Variants in ATP8A2 observed in about 807,000 individuals in gnomAD.
ATP8A2 encodes the protein phospholipid-transporting ATPase IB.
A neutral mutation model predicts 165.6 loss-of-function variants in ATP8A2; 100 were observed. The ratio of observed to expected loss-of-function variants is 0.60; its 90% confidence interval spans 0.51 to 0.71. ATP8A2 has a LOEUF of 0.71. Ranked by LOEUF, ATP8A2 falls within the 30% of genes least tolerant of loss-of-function variation. The probability of loss-of-function intolerance (pLI) is 0.00; values close to 1 mark genes in which losing one functional copy is unlikely to be tolerated. For synonymous variants in ATP8A2, 543 were observed against 548.8 expected (o/e 0.99, Z 0.15); for missense variants, 1,227 against 1,479.5 (o/e 0.83, Z 2.80).
chr13:25,545,240 G>A (rs1566247920), intron 10 of ATP8A2, among the ~76,000 whole-genome samples: 2 of 152,140 alleles, frequency 1.3e-5, no homozygotes, highest in Non-Finnish European at 2.9e-5. Flanking sequence ...GTTGGTGAAT[G>A]CTGAGAGGCA....
chr13:25,907,180 C>T (rs1230848264), intron 33 of ATP8A2, among the ~76,000 whole-genome samples: 1 of 152,054 alleles, frequency 6.6e-6, no homozygotes, highest in African/African-American at 2.4e-5. Flanking sequence ...CGGTGAGTAA[C>T]CACTGTGCTA....
At chr13:25,661,807 T>G (rs1220123404) in intron 24 of ATP8A2, among the ~76,000 whole-genome samples, 1 of 152,138 alleles carries the variant, frequency 6.6e-6, no homozygotes, top group African/African-American at 2.4e-5. Flanking sequence ...TATATAAAGA[T>G]TTTTCAAAAA....
At chr13:25,980,777 A>G (rs1437168553) in intron 35 of ATP8A2, among the ~76,000 whole-genome samples, 2 of 152,198 alleles carry the variant, frequency 1.3e-5, no homozygotes, top group Non-Finnish European at 2.9e-5. Flanking sequence ...AGGCTGAGGC[A>G]GGAGGATCAC....
chr13:25,659,973 T>A (rs1168162155), intron 24 of ATP8A2, among the ~76,000 whole-genome samples: 1 of 152,238 alleles, frequency 6.6e-6, no homozygotes, highest in East Asian at 1.9e-4. Flanking sequence ...TTTTCCCTTT[T>A]ATTTTTAATG....
intron 30 of ATP8A2, among the ~76,000 whole-genome samples, chr13:25,859,563 G>GA (rs71665615): frequency 1.0e-3 from 130 of 130,120 alleles, no homozygotes; most frequent in South Asian, 4.3e-3. Context: ...TCCTTGAAAA[G>GA]AAAAAAAAAA....
At chr13:26,013,828 G>A (rs2139363230) in intron 36 of ATP8A2, among the ~76,000 whole-genome samples, 1 of 152,268 alleles carries the variant, frequency 6.6e-6, no homozygotes, top group African/African-American at 2.4e-5. Context: ...GAAGGAGGGA[G>A]ACAGAGTATC....
At chr13:25,823,551 C>G (rs1269513957) in intron 27 of ATP8A2, among the ~76,000 whole-genome samples, 1 of 152,108 alleles carries the variant, frequency 6.6e-6, no homozygotes, top group Non-Finnish European at 1.5e-5. Flanking sequence ...CTTTATTTCC[C>G]TAAGGACTTG....
chr13:25,387,307 C>T (rs1310299133), intron 1 of ATP8A2, among the ~76,000 whole-genome samples: 1 of 152,168 alleles, frequency 6.6e-6, no homozygotes, highest in Admixed American at 6.5e-5. Context: ...AGACCTGAAA[C>T]TTTTCTTTCT....
chr13:25,545,899 T>C (rs1487081032), intron 10 of ATP8A2, among the ~76,000 whole-genome samples: 1 of 152,232 alleles, frequency 6.6e-6, no homozygotes, highest in Non-Finnish European at 1.5e-5. Flanking sequence ...CTTCCCAAAG[T>C]GTTGGGATTA....
At chr13:25,922,808 A>G (rs754697917) in intron 33 of ATP8A2, among the ~76,000 whole-genome samples, 1 of 152,204 alleles carries the variant, frequency 6.6e-6, no homozygotes, top group African/African-American at 2.4e-5. Context: ...ATCTGTTTGC[A>G]TCTCAGGCAA....
intron 1 of ATP8A2, among the ~76,000 whole-genome samples, chr13:25,423,847 C>G (rs957471092): frequency 2.0e-5 from 3 of 152,180 alleles, no homozygotes; most frequent in Non-Finnish European, 2.9e-5. Flanking sequence ...GGCTAAATGT[C>G]TCCCTTTAAG....
chr13:25,513,802 C>G lies in ATP8A2; in HGVS notation c.222-16197C>G, dbSNP rs544258233. Among the ~76,000 whole-genome samples the G allele has an allele frequency of 6.6e-3, 1,002 of 152,342 alleles. 7 individuals carry two copies. The highest frequency in any genetic ancestry group is 9.7e-3 in the Non-Finnish European group (659 of 68,042). On this transcript the variant is annotated intron_variant, in intron 2 of 36. Transcript: ENST00000381655. ...AAACCCCGTCTCCACCAAAAAAATA[C>G]AAAAACCAGTCAGGCGTGGCGGCGC...
chr13:25,515,079 AC>A (rs1042831776), intron 2 of ATP8A2, among the ~76,000 whole-genome samples: 11 of 152,208 alleles, frequency 7.2e-5, no homozygotes, highest in African/African-American at 2.7e-4. Context: ...TGAAGCCCTG[AC>A]CAGAACAACC....
At chr13:25,808,628 A>C (rs1472492367) in intron 27 of ATP8A2, among the ~76,000 whole-genome samples, 1 of 150,890 alleles carries the variant, frequency 6.6e-6, no homozygotes, top group Non-Finnish European at 1.5e-5. Flanking sequence ...TTTTTTGTAG[A>C]GTTGTCTCAC....
At chr13:25,901,048 G>T (rs975026130) in intron 33 of ATP8A2, among the ~76,000 whole-genome samples, 3 of 152,222 alleles carry the variant, frequency 2.0e-5, no homozygotes, top group Admixed American at 2.0e-4. Flanking sequence ...GGTGGGCTGG[G>T]GGATGACTGC....
chr13:25,965,853 A>G (rs899687076), intron 34 of ATP8A2, among the ~76,000 whole-genome samples: 14 of 152,318 alleles, frequency 9.2e-5, no homozygotes, highest in African/African-American at 3.4e-4. Flanking sequence ...AATGGAAAGA[A>G]GAGGTAATGA....
intron 33 of ATP8A2, among the ~76,000 whole-genome samples, chr13:25,956,985 G>A (rs887933938): frequency 2.0e-5 from 3 of 152,074 alleles, no homozygotes; most frequent in Non-Finnish European, 2.9e-5. Flanking sequence ...CAACTGTCTG[G>A]TCTTTGACAA....
intron 28 of ATP8A2, among the ~76,000 whole-genome samples, chr13:25,831,938 A>T (rs1485972000): frequency 6.6e-6 from 1 of 150,590 alleles, no homozygotes; most frequent in African/African-American, 2.4e-5. Context: ...CAATTTCTTT[A>T]TTTTTTTTTA....
At chr13:25,988,561 G>C (rs558023156) in intron 35 of ATP8A2, among the ~76,000 whole-genome samples, 1 of 152,226 alleles carries the variant, frequency 6.6e-6, no homozygotes, top group African/African-American at 2.4e-5. Flanking sequence ...CCTCCATGTG[G>C]GATGAAGTGG....
Sources: gnomAD v4.1 joint callset for allele counts (sites outside exome capture counted in the v4.1 genomes callset) on GRCh38, gnomAD v4.1.1 for gene constraint, MANE v1.5 for transcripts, NCBI Gene and HGNC (gene_info 2026-07-23, HGNC 2026-07-21) for gene names.